MACC1: variants seen among roughly 807,000 people sequenced by gnomAD.
MACC1 encodes metastasis-associated in colon cancer protein 1.
Under a neutral mutation model 70.7 loss-of-function variants are expected in MACC1, and 79 were observed. The observed-to-expected ratio is 1.12, with a 90% confidence interval of 0.93 to 1.35. The LOEUF (loss-of-function observed/expected upper bound fraction) is 1.35. Ranked by LOEUF, MACC1 falls within the 40% of genes most tolerant of loss-of-function variation. The pLI, the probability that MACC1 is intolerant of heterozygous loss-of-function variation, is 0.00. For synonymous variants in MACC1, 361 were observed against 347.2 expected (o/e 1.04, Z -0.44); for missense variants, 1,106 against 978.1 (o/e 1.13, Z -1.74).
intron 2 of MACC1, among the ~76,000 whole-genome samples, chr7:20,165,387 A>G (rs921129935): frequency 6.6e-6 from 1 of 152,170 alleles, no homozygotes; most frequent in African/African-American, 2.4e-5. Flanking sequence ...CTCCTTCCCT[A>G]GCCAAATGGT....
chr7:20,161,673 A>C, intron 4 of MACC1, 75 bp downstream of exon 4: 1 of 828,630 alleles, frequency 1.2e-6, no homozygotes, highest in Non-Finnish European at 2.0e-6. Flanking sequence ...TTTCAGAGGT[A>C]GACCTTCAAC....
chr7:20,199,198 A>C, intron 1 of MACC1, among the ~76,000 whole-genome samples: 1 of 152,230 alleles, frequency 6.6e-6, no homozygotes, highest in South Asian at 2.1e-4. Flanking sequence ...AGAAATTGAG[A>C]CAGACACAGA....
chr7:20,148,335 C>A (rs899130607), intron 6 of MACC1, among the ~76,000 whole-genome samples: 14 of 152,220 alleles, frequency 9.2e-5, no homozygotes, highest in African/African-American at 3.1e-4. Context: ...ACCCAGGTAA[C>A]CTTGCTATAA....
At chr7:20,178,930 T>G (rs1782456827) in intron 1 of MACC1, among the ~76,000 whole-genome samples, 1 of 152,130 alleles carries the variant, frequency 6.6e-6, no homozygotes, top group Non-Finnish European at 1.5e-5. Flanking sequence ...TGCTAAGAAC[T>G]CATACCTTTC....
chr7:20,164,906 T>A (rs1033148361), intron 2 of MACC1, among the ~76,000 whole-genome samples: 4 of 146,758 alleles, frequency 2.7e-5, no homozygotes, highest in African/African-American at 1.0e-4. Flanking sequence ...TTTTTTTTTA[T>A]GAGGAAAGAG....
At position 20,184,444 on chromosome 7, in the gene MACC1, T is replaced by C. The variant is rs576897528; in HGVS notation, c.-217-13666A>G. 4.6e-5 allele frequency among the ~76,000 whole-genome samples: 7 copies of C among 152,326 alleles called. No individual in the cohort carries two copies. The South Asian group carries it at 1.4e-3, about 32-fold the overall frequency. On this transcript the variant is annotated intron_variant, in intron 1 of 6. Coordinates refer to ENST00000400331, the MANE Select transcript of MACC1 (RefSeq NM_182762.4). ...ATTTTCTCATATCTTCTACTCTTATTTCAAACTTGCAAAACTCCTTTTTTC... is the reference window on the plus strand; with the variant it reads ...ATTTTCTCATATCTTCTACTCTTATCTCAAACTTGCAAAACTCCTTTTTTC...
rs558046254 is a variant in MACC1, at chr7:20,149,268, A to G, written c.2346+4925T>C. 1.2e-4 allele frequency among the ~76,000 whole-genome samples: 19 copies of G among 152,304 alleles called. No individual in the cohort carries two copies. In the South Asian group the frequency reaches 2.1e-3, roughly 17 times the overall value. ...ATTCTTCCTATAGGCACTCTCAGTC[A>G]CATTACTAAAAAAACAGTGTATTTT... On this transcript the variant is annotated intron_variant, in intron 6 of 6. Transcript: ENST00000400331.
intron 6 of MACC1, chr7:20,141,928 TACACACACACACGCAC>T (rs1441116045): frequency 6.9e-6 from 1 of 145,602 alleles, no homozygotes; most frequent in Non-Finnish European, 1.5e-5. Context: ...AATTGTAGAA[TACACACACACACGCAC>T]ACACACACAC....
intron 1 of MACC1, among the ~76,000 whole-genome samples, chr7:20,204,908 T>C (rs1453572120): frequency 1.3e-5 from 2 of 152,204 alleles, no homozygotes; most frequent in African/African-American, 2.4e-5. Context: ...GCAGAGATTG[T>C]ACATTTTTTA....
chr7:20,141,010 A>G lies in MACC1; in HGVS notation c.2495T>C (p.Leu832Ser). 6.2e-7 allele frequency: 1 copy of G among 1,614,086 alleles called. No individual in the cohort carries two copies. The highest frequency in any genetic ancestry group is 8.5e-7 in the Non-Finnish European group (1 of 1,179,950). ...AACCTCCAAAGAATTTACTAGTATT[A>G]AAACTCCAGTTAATTCTCTCCAGTG... ...TKHWRELTGV[L>S]ILVNSLEVLR... Residue 832 changes from leucine (L) to serine (S), a missense_variant, in exon 7 of 7, where the codon TTA becomes TCA. Coordinates refer to ENST00000400331, the MANE Select transcript of MACC1 (RefSeq NM_182762.4).
At chr7:20,194,797 TCTC>T (rs2081436884) in intron 1 of MACC1, among the ~76,000 whole-genome samples, 1 of 152,260 alleles carries the variant, frequency 6.6e-6, no homozygotes, top group African/African-American at 2.4e-5. Flanking sequence ...AACTCACACT[TCTC>T]CTAGTTTTAT....
chr7:20,191,684 C>T (rs1351156335), intron 1 of MACC1, among the ~76,000 whole-genome samples: 1 of 152,188 alleles, frequency 6.6e-6, no homozygotes, highest in East Asian at 1.9e-4. Flanking sequence ...GTGAGTCACG[C>T]TTTCTCTCGT....
chr7:20,165,537 G>GAAA lies in MACC1; in HGVS notation c.-152-1141_-152-1139dup, dbSNP rs11415040. ...GAATCCAAGGAGAGGTGGTATAGGG[G>GAAA]AAAAAAAAAAATCCTCGACTGGAAG... On this transcript the variant is annotated intron_variant, in intron 2 of 6. Coordinates refer to ENST00000400331, the MANE Select transcript of MACC1 (RefSeq NM_182762.4). 7.2e-3 allele frequency among the ~76,000 whole-genome samples: 1,075 copies of GAAA among 149,072 alleles called. 27 individuals carry two copies. The highest frequency in any genetic ancestry group is 0.038 in the Admixed American group (575 of 15,014).
chr7:20,154,615 T>C (rs796195332), intron 5 of MACC1, among the ~76,000 whole-genome samples: 1 of 152,216 alleles, frequency 6.6e-6, no homozygotes, highest in South Asian at 2.1e-4. Flanking sequence ...ATTCAGTGGC[T>C]AATTATAGGA....
At chr7:20,175,717 T>C (rs1287212006) in intron 1 of MACC1, among the ~76,000 whole-genome samples, 1 of 152,138 alleles carries the variant, frequency 6.6e-6, no homozygotes, top group African/African-American at 2.4e-5. Context: ...GAAAGCAGGC[T>C]TTTCTTCTAT....
chr7:20,181,043 T>C (rs977341044), intron 1 of MACC1, among the ~76,000 whole-genome samples: 1 of 152,036 alleles, frequency 6.6e-6, no homozygotes, highest in Non-Finnish European at 1.5e-5. Flanking sequence ...TAAATTTGAA[T>C]GGCGATACTA....
intron 5 of MACC1, 139 bp downstream of exon 5, chr7:20,158,065 A>G (rs776588879): frequency 1.8e-5 from 18 of 994,078 alleles, no homozygotes; most frequent in East Asian, 2.7e-5. Context: ...GAAAAACTAT[A>G]TTTGCTATAA....
rs541321531 is a variant in MACC1 at position 20,217,329 on chromosome 7, T to A, written c.-248A>T. Reference sequence around the variant, plus strand: ...TGGAAGTGAGCCCAAGCTTCTTCAGTTCAGACACATGGTTTTAGTGAATAG... The same window carrying A: ...TGGAAGTGAGCCCAAGCTTCTTCAGATCAGACACATGGTTTTAGTGAATAG... On this transcript the variant is annotated 5_prime_UTR_variant, in exon 1 of 7. Coordinates refer to ENST00000400331, the MANE Select transcript of MACC1 (RefSeq NM_182762.4). The A allele has an allele frequency of 6.6e-6, 1 of 152,320 alleles. No homozygotes were observed. The highest frequency in any genetic ancestry group is 2.4e-5 in the African/African-American group (1 of 41,568). 9.4% of individuals were successfully genotyped at this position (152,320 alleles called of 1,614,324 possible).
intron 3 of MACC1, among the ~76,000 whole-genome samples, 151 bp from the exon 4 acceptor site, chr7:20,162,021 A>C (rs1782146009): frequency 6.6e-6 from 1 of 152,094 alleles, no homozygotes; most frequent in African/African-American, 2.4e-5. Context: ...ATACTCGACT[A>C]GATATACTAA....
Sources: gnomAD v4.1 joint callset for allele counts (sites outside exome capture counted in the v4.1 genomes callset) on GRCh38, gnomAD v4.1.1 for gene constraint, MANE v1.5 for transcripts, NCBI Gene and HGNC (gene_info 2026-07-23, HGNC 2026-07-21) for gene names.